FLI1: variants seen among roughly 807,000 people sequenced by gnomAD.
The protein encoded by FLI1 is Friend leukemia integration 1 transcription factor.
A neutral mutation model predicts 53.1 loss-of-function variants in FLI1; 13 were observed. That is an observed-to-expected ratio of 0.24 (90% CI 0.16 to 0.39). The LOEUF is 0.39. Among genes scored for constraint, FLI1 ranks in the 10% least tolerant of loss-of-function variants. The pLI is 1.00. For missense variants in FLI1, 424 were observed against 600.5 expected, an observed-to-expected ratio of 0.71 and a Z score of 3.07; for synonymous variants, 244 against 236.7, an observed-to-expected ratio of 1.03 and a Z score of -0.28.
intron 1 of FLI1, among the ~76,000 whole-genome samples, chr11:128,703,782 G>A (rs1316203756): frequency 6.9e-6 from 1 of 143,894 alleles, no homozygotes; most frequent in African/African-American, 2.6e-5. Context: ...GGCAGAAGTT[G>A]TGGTGAGCCG....
rs190477622 is a variant in FLI1 at position 128,762,983 on chromosome 11, C to T, written c.230+4657C>T. Among the ~76,000 whole-genome samples the T allele has an allele frequency of 2.8e-3, 419 of 152,116 alleles. 2 individuals are homozygous for T. The highest frequency in any genetic ancestry group is 9.4e-3 in the African/African-American group (391 of 41,466). ...AAAAAAAAAAAAATTATGTAGTTCG[C>T]ACATGTGGTTCCCATTCTACTTCTA... is the stretch of plus-strand genomic sequence containing the variant. On this transcript the variant is annotated intron_variant, in intron 2 of 8. Coordinates refer to ENST00000527786, the MANE Select transcript of FLI1 (RefSeq NM_002017.5).
rs751308583 is a variant in FLI1, at chr11:128,768,314, C to T, written c.385+42C>T. ...GCTGCCTGGGCGCCATTCACTTCCC[C>T]ACTCTCTGGGGGGGCAGGGAGCATC... is the stretch of plus-strand genomic sequence containing the variant. On this transcript the variant is annotated intron_variant, in intron 3 of 8. Coordinates refer to ENST00000527786, the MANE Select transcript of FLI1 (RefSeq NM_002017.5). The T allele has an allele frequency of 7.9e-6, 12 of 1,512,318 alleles. No homozygotes were observed. In the African/African-American group the frequency reaches 2.2e-4, roughly 27 times the overall value. 93.7% of individuals were successfully genotyped at this position (1,512,318 alleles called of 1,614,324 possible). A position where few individuals can be genotyped will look rare whatever the true frequency, so the allele number is the denominator to read the frequency against.
chr11:128,731,309 G>A (rs1020557863), intron 1 of FLI1, among the ~76,000 whole-genome samples: 1 of 152,168 alleles, frequency 6.6e-6, no homozygotes, highest in African/African-American at 2.4e-5. Flanking sequence ...AATGTGGGGG[G>A]GTTGGTGAGT....
At chr11:128,723,017 G>C (rs372265411) in intron 1 of FLI1, among the ~76,000 whole-genome samples, 16 of 152,286 alleles carry the variant, frequency 1.1e-4, no homozygotes, top group African/African-American at 3.9e-4. Flanking sequence ...AGTGAGGGCT[G>C]TCTTCCTCAC....
At position 128,749,355 on chromosome 11, in the gene FLI1, G is replaced by C. The variant is rs116202602; in HGVS notation, c.19-8760G>C. On this transcript the variant is annotated intron_variant, in intron 1 of 8. Transcript: ENST00000527786. ...TGAGTTTTGTTATCCTTCACTGAAG[G>C]CTCGTTCACTCTCAAGTCTGGAGGT... Among the ~76,000 whole-genome samples the C allele has an allele frequency of 3.9e-3, 587 of 152,280 alleles. 1 individual carries two copies. Among genetic ancestry groups the C allele is most frequent in the African/African-American group, 0.013 (549 of 41,556 alleles).
chr11:128,780,552 G>A (rs1270569756), intron 4 of FLI1, among the ~76,000 whole-genome samples: 1 of 152,176 alleles, frequency 6.6e-6, no homozygotes, highest in Non-Finnish European at 1.5e-5. Flanking sequence ...CTGAGATCGC[G>A]CCATTGCACT....
intron 1 of FLI1, among the ~76,000 whole-genome samples, chr11:128,699,480 A>G (rs1385072779): frequency 6.6e-6 from 1 of 152,208 alleles, no homozygotes; most frequent in East Asian, 1.9e-4. Flanking sequence ...ACACACACCT[A>G]CACACACAAT....
At chr11:128,746,302 G>A (rs565589992) in intron 1 of FLI1, among the ~76,000 whole-genome samples, 3 of 152,216 alleles carry the variant, frequency 2.0e-5, no homozygotes, top group Admixed American at 6.5e-5. Context: ...ATTTGTCCTC[G>A]AGAAAAAGAA....
upstream of FLI1, chr11:128,693,932 A>G (rs987628233): frequency 1.5e-5 from 4 of 268,134 alleles, no homozygotes; most frequent in Non-Finnish European, 1.4e-5. Context: ...GAGAGAGGAG[A>G]GCTCGAGGCG....
chr11:128,733,312 C>T lies in FLI1; in HGVS notation c.19-24803C>T, dbSNP rs184828882. On this transcript the variant is annotated intron_variant, in intron 1 of 8. Coordinates refer to ENST00000527786, the MANE Select transcript of FLI1 (RefSeq NM_002017.5). ...TCTAATTCACTGGATCTGGAATGGTCCCGGGAATCTTCATTTTTAACAACA... is the reference window on the plus strand; with the variant it reads ...TCTAATTCACTGGATCTGGAATGGTTCCGGGAATCTTCATTTTTAACAACA... Among the ~76,000 whole-genome samples the T allele has an allele frequency of 2.7e-3, 409 of 152,198 alleles. 2 individuals carry two copies. The highest frequency in any genetic ancestry group is 1.9e-3 in the Non-Finnish European group (130 of 68,020).
intron 5 of FLI1, among the ~76,000 whole-genome samples, chr11:128,799,650 C>T (rs758540556): frequency 1.3e-5 from 2 of 152,184 alleles, no homozygotes; most frequent in African/African-American, 2.4e-5. Context: ...AGGATACCTT[C>T]GTGATGACAT....
At chr11:128,739,996 G>T (rs536073856) in intron 1 of FLI1, among the ~76,000 whole-genome samples, 1 of 152,186 alleles carries the variant, frequency 6.6e-6, no homozygotes, top group Non-Finnish European at 1.5e-5. Flanking sequence ...TCATCCCCAC[G>T]TGTGAGGGAC....
At chr11:128,752,758 C>T (rs1373071864) in intron 1 of FLI1, among the ~76,000 whole-genome samples, 1 of 152,198 alleles carries the variant, frequency 6.6e-6, no homozygotes, top group Non-Finnish European at 1.5e-5. Context: ...TTAGGTTACT[C>T]ATGTAAACAG....
chr11:128,693,128 G>A (rs549217208), upstream of FLI1: 1 of 152,816 alleles, frequency 6.5e-6, no homozygotes, highest in East Asian at 1.9e-4. Flanking sequence ...GTCAGTGCTT[G>A]GGCCGTCGGG....
chr11:128,730,575 G>T (rs1178784715), intron 1 of FLI1, among the ~76,000 whole-genome samples: 2 of 152,208 alleles, frequency 1.3e-5, no homozygotes, highest in East Asian at 3.8e-4. Flanking sequence ...CTTTTTGAAG[G>T]CTTCCCTTTG....
chr11:128,758,050 C>A, intron 1 of FLI1, 65 bp from the exon 2 acceptor site: 1 of 1,446,512 alleles, frequency 6.9e-7, no homozygotes, highest in Non-Finnish European at 9.5e-7. Flanking sequence ...CAGCTCAAAG[C>A]AAGAGTGTCA....
At chr11:128,712,024 G>T (rs1788292397) in intron 1 of FLI1, among the ~76,000 whole-genome samples, 1 of 152,176 alleles carries the variant, frequency 6.6e-6, no homozygotes, top group South Asian at 2.1e-4. Flanking sequence ...AACACAGTTT[G>T]GTCGTTTGTC....
At chr11:128,745,622 G>C (rs1340220968) in intron 1 of FLI1, among the ~76,000 whole-genome samples, 1 of 152,212 alleles carries the variant, frequency 6.6e-6, no homozygotes, top group Non-Finnish European at 1.5e-5. Flanking sequence ...AACGGATTCA[G>C]GGTCTCCCCT....
intron 5 of FLI1, among the ~76,000 whole-genome samples, chr11:128,798,404 C>T (rs1942508871): frequency 6.6e-6 from 1 of 152,196 alleles, no homozygotes; most frequent in Non-Finnish European, 1.5e-5. Context: ...CAGGGAGCCT[C>T]ACGTGGCCAT....
Sources: allele counts gnomAD v4.1 joint callset (sites outside exome capture counted in the v4.1 genomes callset), GRCh38; gene constraint gnomAD v4.1.1; transcripts MANE v1.5; gene names NCBI Gene and HGNC (gene_info 2026-07-23, HGNC 2026-07-21).